KCNQ5: variants seen among roughly 807,000 people sequenced by gnomAD.
The protein encoded by KCNQ5 is potassium voltage-gated channel subfamily Q member 5.
KCNQ5 carries 30 observed loss-of-function variants against 98.2 expected under a neutral mutation model. That is an observed-to-expected ratio of 0.31 (90% confidence interval 0.23 to 0.41). The LOEUF (loss-of-function observed/expected upper bound fraction) is 0.41. Ranked by LOEUF, KCNQ5 falls within the 10% of genes least tolerant of loss-of-function variation. The probability of loss-of-function intolerance (pLI) is 1.00; values close to 1 mark genes in which losing one functional copy is unlikely to be tolerated. For missense variants in KCNQ5, 835 were observed against 1,182.5 expected (o/e 0.71, Z 4.31); for synonymous variants, 458 against 449.4 (o/e 1.02, Z -0.24).
intron 1 of KCNQ5, among the ~76,000 whole-genome samples, chr6:72,787,096 G>C (rs1773794119): frequency 6.6e-6 from 1 of 151,560 alleles, no homozygotes; most frequent in South Asian, 2.1e-4. Flanking sequence ...CCACAGACCA[G>C]GGTTTGGCTA....
intron 1 of KCNQ5, among the ~76,000 whole-genome samples, chr6:72,638,806 A>G (rs1280789857): frequency 2.0e-5 from 3 of 152,164 alleles, no homozygotes; most frequent in Non-Finnish European, 4.4e-5. Flanking sequence ...GCTCTACAGT[A>G]AGCATCTGGT....
intron 1 of KCNQ5, among the ~76,000 whole-genome samples, chr6:72,823,371 T>C (rs940597701): frequency 5.9e-5 from 9 of 152,074 alleles, no homozygotes; most frequent in African/African-American, 2.2e-4. Flanking sequence ...ATATGTATCA[T>C]TAAAAATGGA....
chr6:72,804,685 TG>T (rs1188056394), intron 1 of KCNQ5, among the ~76,000 whole-genome samples: 1 of 152,102 alleles, frequency 6.6e-6, no homozygotes, highest in African/African-American at 2.4e-5. Flanking sequence ...ATACCAGCAA[TG>T]GGTTGCTGAA....
chr6:72,965,445 G>A (rs946696932), intron 1 of KCNQ5, among the ~76,000 whole-genome samples: 10 of 152,222 alleles, frequency 6.6e-5, no homozygotes, highest in African/African-American at 2.4e-4. Context: ...AGTGTTTGTA[G>A]TGACTTTACA....
At chr6:72,885,560 A>G (rs887169173) in intron 1 of KCNQ5, among the ~76,000 whole-genome samples, 8 of 152,228 alleles carry the variant, frequency 5.3e-5, no homozygotes, top group African/African-American at 1.9e-4. Flanking sequence ...ATATGAAGGA[A>G]TATGTACTCT....
intron 1 of KCNQ5, among the ~76,000 whole-genome samples, chr6:72,933,429 G>A (rs191838831): frequency 4.6e-5 from 7 of 152,146 alleles, no homozygotes; most frequent in Non-Finnish European, 7.3e-5. Context: ...GTCTGTTGGC[G>A]GTGGAGGGGA....
chr6:72,728,341 A>G (rs540306647), intron 1 of KCNQ5, among the ~76,000 whole-genome samples: 1 of 152,256 alleles, frequency 6.6e-6, no homozygotes, highest in Non-Finnish European at 1.5e-5. Flanking sequence ...CCAGGATCTT[A>G]TTATTTATAC....
In KCNQ5 at chr6:73,195,066, T is replaced by C; in HGVS notation, c.2451T>C (p.Ser817=). Residue 817 remains serine, a synonymous_variant, in exon 14 of 14, where the codon TCT becomes TCC. Transcript: ENST00000370398. ...ACATGGGAGGAGAAACTCTGTTGTCTGTCTGTCCCATGGTGCCGAAGGACT... is the reference window on the plus strand; with the variant it reads ...ACATGGGAGGAGAAACTCTGTTGTCCGTCTGTCCCATGGTGCCGAAGGACT... ...SFDMGGETLL[S]VCPMVPKDLG... is the part of the protein sequence containing the mutation. 1 of 1,614,254 alleles carries C rather than the reference T, an allele frequency of 6.2e-7. No homozygotes were observed. Among genetic ancestry groups the C allele is most frequent in the Non-Finnish European group, 8.5e-7 (1 of 1,180,048 alleles).
At chr6:72,705,870 T>C (rs758242061) in intron 1 of KCNQ5, among the ~76,000 whole-genome samples, 2 of 152,016 alleles carry the variant, frequency 1.3e-5, no homozygotes, top group African/African-American at 2.4e-5. Flanking sequence ...AAGTGTAGTA[T>C]AAGATAGAAA....
intron 1 of KCNQ5, among the ~76,000 whole-genome samples, chr6:72,741,568 T>G (rs143148334): frequency 1.3e-5 from 2 of 152,120 alleles, no homozygotes; most frequent in East Asian, 3.8e-4. Flanking sequence ...TCAAACAAGT[T>G]TCCAAGTTAT....
chr6:72,835,435 A>G (rs1156459192), intron 1 of KCNQ5, among the ~76,000 whole-genome samples: 1 of 152,138 alleles, frequency 6.6e-6, no homozygotes, highest in Non-Finnish European at 1.5e-5. Flanking sequence ...GTAGAGTACC[A>G]TCAGATGTCT....
chr6:72,987,456 G>A (rs1332461460), intron 1 of KCNQ5: 12 of 677,826 alleles, frequency 1.8e-5, no homozygotes, highest in African/African-American at 5.3e-5. Context: ...TTTTGACAAC[G>A]AGGAACAGAA....
chr6:72,845,973 A>G lies in KCNQ5; in HGVS notation c.399-157935A>G, dbSNP rs139653487. 1.9e-3 allele frequency among the ~76,000 whole-genome samples: 294 copies of G among 152,304 alleles called. 1 individual carries two copies. Among genetic ancestry groups the G allele is most frequent in the African/African-American group, 6.6e-3 (276 of 41,560 alleles). ...TATAGCCATTTCTACTCAGATGAGG[A>G]GACTGAGGGTCAGAGAGGTTAGGAA... is the stretch of plus-strand genomic sequence containing the variant. On this transcript the variant is annotated intron_variant, in intron 1 of 13. Transcript: ENST00000370398.
intron 1 of KCNQ5, among the ~76,000 whole-genome samples, chr6:72,920,864 T>C (rs1008146811): frequency 2.6e-5 from 4 of 152,126 alleles, no homozygotes; most frequent in African/African-American, 7.2e-5. Flanking sequence ...CTGGCTTCAA[T>C]AGATGTAATC....
chr6:72,632,818 T>A (rs1214160370), intron 1 of KCNQ5, among the ~76,000 whole-genome samples: 2 of 148,694 alleles, frequency 1.3e-5, no homozygotes, highest in South Asian at 2.1e-4. Flanking sequence ...TTTTTTTTTT[T>A]ATCCAAACCA....
chr6:72,782,243 CCTCTCT>C (rs141220546), intron 1 of KCNQ5, among the ~76,000 whole-genome samples: 1 of 147,660 alleles, frequency 6.8e-6, no homozygotes, highest in Non-Finnish European at 1.5e-5. Flanking sequence ...TCTTATGCAC[CCTCTCT>C]CTCTCTCTCT....
intron 2 of KCNQ5, among the ~76,000 whole-genome samples, chr6:73,011,473 A>C (rs1770058651): frequency 6.6e-6 from 1 of 152,136 alleles, no homozygotes; most frequent in Non-Finnish European, 1.5e-5. Flanking sequence ...CAATACACAA[A>C]AATTAACTTG....
chr6:72,868,893 A>G (rs1051011443), intron 1 of KCNQ5, among the ~76,000 whole-genome samples: 3 of 152,210 alleles, frequency 2.0e-5, no homozygotes, highest in Admixed American at 6.5e-5. Context: ...GTACAAAAAT[A>G]TAGAGATAGA....
At chr6:73,150,619 A>G (rs1777111420) in intron 10 of KCNQ5, among the ~76,000 whole-genome samples, 1 of 150,754 alleles carries the variant, frequency 6.6e-6, no homozygotes, top group Admixed American at 6.6e-5. Flanking sequence ...AGTTTAACCA[A>G]TAGGCAAAAG....
Sources: allele counts gnomAD v4.1 joint callset (sites outside exome capture counted in the v4.1 genomes callset), GRCh38; gene constraint gnomAD v4.1.1; transcripts MANE v1.5; gene names NCBI Gene and HGNC (gene_info 2026-07-23, HGNC 2026-07-21).